CCDC192: variants seen among roughly 807,000 people sequenced by gnomAD.
CCDC192 encodes the protein coiled-coil domain containing 192.
intron 5 of CCDC192, among the ~76,000 whole-genome samples, chr5:127,850,919 C>A (rs1750767744): frequency 6.6e-6 from 1 of 152,110 alleles, no homozygotes; most frequent in Admixed American, 6.5e-5. Flanking sequence ...TGAGCTGAGG[C>A]CACACCACTG....
chr5:127,712,852 G>C (rs548426629), intron 2 of CCDC192, among the ~76,000 whole-genome samples: 39 of 152,296 alleles, frequency 2.6e-4, no homozygotes, highest in African/African-American at 9.1e-4. Flanking sequence ...CAAAGTCATT[G>C]TATCATTTAA....
At chr5:127,757,788 ACACACACACACT>A (rs1474603869) in intron 3 of CCDC192, among the ~76,000 whole-genome samples, 1 of 96,942 alleles carries the variant, frequency 1.0e-5, no homozygotes, top group South Asian at 3.5e-4. Context: ...ACACACACAC[ACACACACACACT>A]CTCTCTCTCT....
chr5:127,750,217 T>C lies in CCDC192; in HGVS notation c.115-4051T>C, dbSNP rs558004848. ...TTAATTGTGATGTTAGGGTGTCAAT[T>C]TTGCATCTTTCCTGCTTTCTCTTGT... is the stretch of plus-strand genomic sequence containing the variant. On this transcript the variant is annotated intron_variant, in intron 2 of 6. Coordinates refer to ENST00000514853, the MANE Select transcript of CCDC192 (RefSeq NM_001317938.2). Among the ~76,000 whole-genome samples, 307 of 152,298 alleles carry C rather than the reference T, an allele frequency of 2.0e-3. 3 individuals carry two copies. The highest frequency in any genetic ancestry group is 2.7e-3 in the Non-Finnish European group (183 of 68,024).
In CCDC192 at chr5:127,781,576, CT is replaced by C. The variant is rs1223496970; in HGVS notation, c.223-15511del. Among the ~76,000 whole-genome samples the C allele has an allele frequency of 5.9e-3, 736 of 124,038 alleles. 14 individuals carry two copies. Among genetic ancestry groups the C allele is most frequent in the African/African-American group, 6.2e-3 (211 of 33,994 alleles). The allele number at this position is 124,038 out of a possible 152,430, so 81.4% of individuals were successfully genotyped here. On this transcript the variant is annotated intron_variant, in intron 3 of 6. Coordinates refer to ENST00000514853, the MANE Select transcript of CCDC192 (RefSeq NM_001317938.2). ...TGGTTATGTATATTCCTAAGTATTC[CT>C]TTTTTTTTTTTTTTTGCAGCTATGG...
chr5:127,734,555 T>G (rs1223557107), intron 2 of CCDC192, among the ~76,000 whole-genome samples: 1 of 143,938 alleles, frequency 6.9e-6, no homozygotes, highest in Admixed American at 7.0e-5. Context: ...AGTGTAAAAG[T>G]GTTCCTATTT....
At chr5:127,796,667 C>T (rs946973292) in intron 3 of CCDC192, among the ~76,000 whole-genome samples, 5 of 152,066 alleles carry the variant, frequency 3.3e-5, no homozygotes, top group Admixed American at 2.0e-4. Flanking sequence ...CTATGGCGAA[C>T]ATTCAAAGGA....
At chr5:127,767,163 A>G (rs374300982) in intron 3 of CCDC192, among the ~76,000 whole-genome samples, 2 of 152,152 alleles carry the variant, frequency 1.3e-5, no homozygotes, top group African/African-American at 4.8e-5. Context: ...AAATGCTCTG[A>G]GAATGTGCCA....
chr5:127,807,434 G>T (rs1335799926), intron 5 of CCDC192, among the ~76,000 whole-genome samples: 3 of 151,950 alleles, frequency 2.0e-5, no homozygotes, highest in Non-Finnish European at 2.9e-5. Context: ...AAAGCTATCT[G>T]CTTGTCATTT....
At chr5:127,711,479 C>G (rs1308841349) in intron 2 of CCDC192, among the ~76,000 whole-genome samples, 1 of 152,126 alleles carries the variant, frequency 6.6e-6, no homozygotes, top group Non-Finnish European at 1.5e-5. Context: ...TTGGGGAAAG[C>G]AAGCAGTGTC....
intron 6 of CCDC192, among the ~76,000 whole-genome samples, chr5:127,918,654 C>G (rs1446222811): frequency 6.6e-6 from 1 of 152,154 alleles, no homozygotes; most frequent in Non-Finnish European, 1.5e-5. Flanking sequence ...TTTAGTAAAT[C>G]AAACTTTTAT....
At chr5:127,895,255 C>T (rs750666840) in intron 6 of CCDC192, among the ~76,000 whole-genome samples, 2 of 152,112 alleles carry the variant, frequency 1.3e-5, no homozygotes, top group Non-Finnish European at 2.9e-5. Flanking sequence ...TCCAGTTGCC[C>T]CATCTCCTAT....
chr5:127,852,891 C>T (rs1750864234), intron 5 of CCDC192, among the ~76,000 whole-genome samples: 1 of 152,220 alleles, frequency 6.6e-6, no homozygotes, highest in Admixed American at 6.5e-5. Flanking sequence ...AGATAGAGAC[C>T]ATCCTGGCTA....
At chr5:127,784,997 AT>A in intron 3 of CCDC192, 1 of 477,150 alleles carries the variant, frequency 2.1e-6, no homozygotes, top group Admixed American at 2.4e-5. Context: ...TCCAAGACCA[AT>A]AACTTCAACT....
chr5:127,748,772 CTT>C (rs1400628027), intron 2 of CCDC192, among the ~76,000 whole-genome samples: 2 of 145,400 alleles, frequency 1.4e-5, no homozygotes, highest in Non-Finnish European at 1.5e-5. Flanking sequence ...TTTGTATCCT[CTT>C]TTATTTCCTT....
intron 6 of CCDC192, among the ~76,000 whole-genome samples, chr5:127,924,220 A>G (rs1753807205): frequency 6.6e-6 from 1 of 152,238 alleles, no homozygotes; most frequent in African/African-American, 2.4e-5. Flanking sequence ...AAGTGGTTTG[A>G]AGAACTGAAG....
chr5:127,911,557 TGATAGATATA>T (rs1256510837), intron 6 of CCDC192, among the ~76,000 whole-genome samples: 1 of 152,182 alleles, frequency 6.6e-6, no homozygotes, highest in African/African-American at 2.4e-5. Context: ...ATATATTTAT[TGATAGATATA>T]GATATACAAA....
intron 3 of CCDC192, among the ~76,000 whole-genome samples, chr5:127,783,371 T>G (rs969626707): frequency 5.9e-5 from 9 of 152,228 alleles, no homozygotes; most frequent in Non-Finnish European, 1.2e-4. Context: ...TTGATTTCAT[T>G]TTTGATCCAG....
chr5:127,882,824 G>T (rs1466918754), intron 6 of CCDC192, among the ~76,000 whole-genome samples: 1 of 152,210 alleles, frequency 6.6e-6, no homozygotes, highest in Non-Finnish European at 1.5e-5. Context: ...CCACTTGGGT[G>T]TAGGTCTGTT....
At position 127,864,922 on chromosome 5, in the gene CCDC192, C is replaced by T. The variant is rs534588522; in HGVS notation, c.412-10616C>T. Reference sequence around the variant, plus strand: ...CAGCACTTTGGGAGGCCAAGGTGGGCGGATCACGAGGTCAGGAGATTGAGG... The same window carrying T: ...CAGCACTTTGGGAGGCCAAGGTGGGTGGATCACGAGGTCAGGAGATTGAGG... On this transcript the variant is annotated intron_variant, in intron 5 of 6. Transcript: ENST00000514853. 1.1e-4 allele frequency among the ~76,000 whole-genome samples: 16 copies of T among 152,192 alleles called. No homozygotes were observed. In the East Asian group the frequency reaches 1.9e-3, roughly 18 times the overall value.
Sources: gnomAD v4.1 joint callset for allele counts (sites outside exome capture counted in the v4.1 genomes callset) on GRCh38, gnomAD v4.1.1 for gene constraint, MANE v1.5 for transcripts, NCBI Gene and HGNC (gene_info 2026-07-23, HGNC 2026-07-21) for gene names.